CCNI2: variants seen among roughly 807,000 people sequenced by gnomAD.
The protein encoded by CCNI2 is cyclin-I2.
Under a neutral mutation model 33.2 loss-of-function variants are expected in CCNI2, and 32 were observed. That is an observed-to-expected ratio of 0.96 (90% confidence interval 0.73 to 1.30). The LOEUF is 1.30. CCNI2 is among the 50% of genes most tolerant of loss of function. The pLI is 0.00. For missense variants in CCNI2, 452 were observed against 486.2 expected (o/e 0.93, Z 0.66); for synonymous variants, 231 against 219.9 (o/e 1.05, Z -0.45).
At chr5:132,748,300 T>G (rs778235554) in intron 1 of CCNI2, 47 bp from the exon 2 acceptor site, 6 of 1,604,604 alleles carry the variant, frequency 3.7e-6, no homozygotes, top group Non-Finnish European at 5.1e-6. Flanking sequence ...GGACCAGGAG[T>G]GGCCGCTAGC....
At chr5:132,751,723 C>T (rs932642134) in intron 4 of CCNI2, 7 of 574,854 alleles carry the variant, frequency 1.2e-5, no homozygotes, top group African/African-American at 3.8e-5. Flanking sequence ...AGGTACTTTC[C>T]GCTCATAACG....
At chr5:132,751,057 G>T in intron 4 of CCNI2, 60 bp downstream of exon 4, 1 of 1,586,778 alleles carries the variant, frequency 6.3e-7, no homozygotes, top group Non-Finnish European at 8.6e-7. Context: ...TGGAACAGCT[G>T]TTTACAACAT....
downstream of CCNI2, among the ~76,000 whole-genome samples, chr5:132,755,027 T>A (rs1429872031): frequency 6.6e-6 from 1 of 152,070 alleles, no homozygotes; most frequent in Non-Finnish European, 1.5e-5. Context: ...TTTGATGATG[T>A]TTCCACCACC....
In CCNI2 at chr5:132,752,957, C is replaced by CA; in HGVS notation, c.1098dup (p.Pro367ThrfsTer18). ...TCCTCCTGCACAGACAACTTTGTGT[C>CA]ACCTGCCAACTAGCCCCTCTGCCTC... On this transcript the variant is annotated frameshift_variant, in exon 6 of 6. Transcript: ENST00000378731. LOFTEE classifies it high-confidence loss of function. 6.2e-7 allele frequency: 1 copy of CA among 1,613,944 alleles called. No individual in the cohort carries two copies. Among genetic ancestry groups the CA allele is most frequent in the Non-Finnish European group, 8.5e-7 (1 of 1,179,898 alleles).
rs115198828 is a variant in CCNI2, at chr5:132,752,929, T to C, written c.1069T>C (p.Ser357Pro). ...LVMQQLRSLQ[S>P]SSCTDNFVSP... ...AATGCAGCAACTGAGAAGTCTTCAG[T>C]CATCCTCCTGCACAGACAACTTTGT... Residue 357 changes from serine to proline, a missense_variant, in exon 6 of 6, where the codon TCA becomes CCA. Coordinates refer to ENST00000378731, the MANE Select transcript of CCNI2 (RefSeq NM_001039780.4). The C allele has an allele frequency of 3.0e-5, 48 of 1,614,196 alleles. No homozygotes were observed. The East Asian group carries it at 1.0e-3, about 35-fold the overall frequency.
chr5:132,749,217 C>G lies in CCNI2; in HGVS notation c.559-131C>G, dbSNP rs538199244. 2.7e-3 allele frequency: 1,885 copies of G among 694,760 alleles called. 1 individual carries two copies. Among genetic ancestry groups the G allele is most frequent in the Non-Finnish European group, 3.6e-3 (1,450 of 400,586 alleles). The allele number at this position is 694,760 out of a possible 1,614,324, so 43.0% of individuals were successfully genotyped here. ...GTTGCAGTGAGCCAAGATCATGCCA[C>G]TGCACTCCAGCCTGGGCAACAGAGT... On this transcript the variant is annotated intron_variant, in intron 2 of 5. Coordinates refer to ENST00000378731, the MANE Select transcript of CCNI2 (RefSeq NM_001039780.4).
intron 1 of CCNI2, 71 bp from the exon 2 acceptor site, chr5:132,748,276 C>A: frequency 6.3e-7 from 1 of 1,584,768 alleles, no homozygotes; most frequent in Non-Finnish European, 8.6e-7. Context: ...AAGCAGGAGG[C>A]TCCTGCTGCT....
At chr5:132,748,027 C>T in intron 1 of CCNI2, 103 bp downstream of exon 1, 1 of 1,236,558 alleles carries the variant, frequency 8.1e-7, no homozygotes, top group Non-Finnish European at 1.1e-6. Flanking sequence ...AGGCCGGGCC[C>T]TTCCCCAGGT....
chr5:132,752,255 T>A (rs1466586404), intron 5 of CCNI2, 59 bp downstream of exon 5: 2 of 1,509,262 alleles, frequency 1.3e-6, no homozygotes, highest in East Asian at 2.5e-5. Context: ...GCTGACACAC[T>A]CTGACCCCAA....
chr5:132,752,025 T>C lies in CCNI2; in HGVS notation c.834T>C (p.Asn278=), dbSNP rs758079357. ...TGTTGGAGCTGCTGCCTCAGAGGAA[T>C]CCTTCCCTCCACGTCGCATCCCTGA... ...PHVLELLPQR[N]PSLHVASLTR... Residue 278 remains asparagine, a synonymous_variant, in exon 5 of 6, where the codon AAT becomes AAC. Transcript: ENST00000378731. 1 of 1,612,416 alleles carries C rather than the reference T, an allele frequency of 6.2e-7. No homozygotes were observed. The highest frequency in any genetic ancestry group is 1.1e-5 in the South Asian group (1 of 90,264).
At chr5:132,748,252 A>C in intron 1 of CCNI2, 95 bp from the exon 2 acceptor site, 1 of 1,516,486 alleles carries the variant, frequency 6.6e-7, no homozygotes, top group East Asian at 2.3e-5. Flanking sequence ...TCACTGCCCC[A>C]CCCCCCGCAC....
In CCNI2 at chr5:132,749,233, G is replaced by A. The variant is rs1004091115; in HGVS notation, c.559-115G>A. The A allele has an allele frequency of 1.6e-4, 125 of 799,444 alleles. 2 individuals are homozygous for A. The South Asian group carries it at 2.0e-3, about 13-fold the overall frequency. The allele number at this position is 799,444 out of a possible 1,614,324, so 49.5% of individuals were successfully genotyped here. On this transcript the variant is annotated intron_variant, in intron 2 of 5. Transcript: ENST00000378731. ...ATCATGCCACTGCACTCCAGCCTGG[G>A]CAACAGAGTGAGACTCCATGTCAAA...
chr5:132,748,319 T>G (rs751723740), intron 1 of CCNI2, 28 bp from the exon 2 acceptor site: 1 of 1,612,722 alleles, frequency 6.2e-7, no homozygotes, highest in Non-Finnish European at 8.5e-7. Flanking sequence ...GCGACCTTCC[T>G]CGCCCCACCT....
rs1254405294 is a variant in CCNI2, at chr5:132,751,960, C to G, written c.775-6C>G. 1.2e-6 allele frequency: 2 copies of G among 1,604,858 alleles called. No individual in the cohort carries two copies. The highest frequency in any genetic ancestry group is 8.5e-7 in the Non-Finnish European group (1 of 1,175,454). Reference sequence around the variant, plus strand: ...CTGTTCTAACATTAAAAACCATGGTCTCCAGTTCCATGCCCTGGTGGTCCT... The same window carrying G: ...CTGTTCTAACATTAAAAACCATGGTGTCCAGTTCCATGCCCTGGTGGTCCT... On this transcript the variant is annotated splice_polypyrimidine_tract_variant and splice_region_variant and intron_variant, in intron 4 of 5. Coordinates refer to ENST00000378731, the MANE Select transcript of CCNI2 (RefSeq NM_001039780.4).
intron 4 of CCNI2, chr5:132,751,661 C>T: frequency 2.2e-6 from 1 of 445,488 alleles, no homozygotes; most frequent in South Asian, 3.7e-5. Flanking sequence ...TTTCTGCTAC[C>T]TTGGTCTTGA....
intron 1 of CCNI2, 135 bp downstream of exon 1, chr5:132,748,059 G>C (rs933859250): frequency 1.9e-6 from 2 of 1,037,068 alleles, no homozygotes; most frequent in African/African-American, 3.3e-5. Context: ...CGAGAGGCAC[G>C]AGGCTGGATC....
Position 132,751,007 on chromosome 5 carries a change from G to A in CCNI2, c.774+10G>A. The A allele has an allele frequency of 6.2e-7, 1 of 1,612,130 alleles. No individual in the cohort carries two copies. Among genetic ancestry groups the A allele is most frequent in the Non-Finnish European group, 8.5e-7 (1 of 1,179,530 alleles). On this transcript the variant is annotated intron_variant, in intron 4 of 5. Transcript: ENST00000378731. ...GGACTTCTTGACTATAGTGAGTAAG[G>A]AGGTGTTTACAGAGTCTACCCTAAA...
chr5:132,747,579 C>T lies in CCNI2; in HGVS notation c.84C>T (p.Ala28=). The T allele has an allele frequency of 6.7e-7, 1 of 1,493,636 alleles. No individual in the cohort carries two copies. Among genetic ancestry groups the T allele is most frequent in the Non-Finnish European group, 8.9e-7 (1 of 1,127,712 alleles). The allele number at this position is 1,493,636 out of a possible 1,614,324, so 92.5% of individuals were successfully genotyped here. ...AGAGCCCAGGCGGGCGTCCCGGCGC[C>T]GGTCTGGAGGAAACAGCCCTGGGCG... ...AVQSPGGRPG[A]GLEETALGVP... Residue 28 remains alanine (A), a synonymous_variant, in exon 1 of 6, where the codon GCC becomes GCT. Coordinates refer to ENST00000378731, the MANE Select transcript of CCNI2 (RefSeq NM_001039780.4). This position sits in a 1 kb window ranked among gnomAD's most constrained non-coding sequence, Gnocchi z 4.1.
intron 1 of CCNI2, 80 bp from the exon 2 acceptor site, chr5:132,748,267 A>G (rs886549914): frequency 1.3e-4 from 208 of 1,573,522 alleles, no homozygotes; most frequent in Non-Finnish European, 1.7e-4. Flanking sequence ...CCGCACCTTA[A>G]GCAGGAGGCT....
Sources: allele counts gnomAD v4.1 joint callset (sites outside exome capture counted in the v4.1 genomes callset), GRCh38; gene constraint gnomAD v4.1.1; non-coding constraint Gnocchi (gnomAD v3.1); transcripts MANE v1.5; gene names NCBI Gene and HGNC (gene_info 2026-07-23, HGNC 2026-07-21).